The following GALNT17 variants were observed in gnomAD, a reference collection of about 807,000 sequenced individuals.
GALNT17 encodes the protein UDP-GalNAc:polypeptide N-acetylgalactosaminyltransferase-like 3.
A neutral mutation model predicts 63.7 loss-of-function variants in GALNT17; 29 were observed. The observed-to-expected ratio is 0.46, with a 90% CI of 0.34 to 0.62. The LOEUF is 0.62. Ranked by LOEUF, GALNT17 falls within the 20% of genes least tolerant of loss-of-function variation. The probability of loss-of-function intolerance (pLI) is 0.01; values close to 1 mark genes in which losing one functional copy is unlikely to be tolerated. For missense variants in GALNT17, 603 were observed against 799.6 expected (o/e 0.75, Z 2.97); for synonymous variants, 305 against 318.3 (o/e 0.96, Z 0.45).
chr7:71,622,172 G>A (rs1790303826), intron 6 of GALNT17, among the ~76,000 whole-genome samples: 1 of 152,226 alleles, frequency 6.6e-6, no homozygotes, highest in Admixed American at 6.5e-5. Context: ...CACAAAATCT[G>A]CGGGAATGGA....
At chr7:71,612,064 G>C (rs536726411) in intron 6 of GALNT17, among the ~76,000 whole-genome samples, 1 of 152,108 alleles carries the variant, frequency 6.6e-6, no homozygotes, top group Non-Finnish European at 1.5e-5. Context: ...TGTTCTTTTT[G>C]TTCTTGGAAA....
intron 6 of GALNT17, among the ~76,000 whole-genome samples, chr7:71,592,387 C>T (rs1190554870): frequency 1.3e-5 from 2 of 151,618 alleles, no homozygotes; most frequent in East Asian, 1.9e-4. Context: ...CCCAGCTATG[C>T]GGGAGGCTGA....
chr7:71,326,688 G>T (rs1791710642), intron 1 of GALNT17, among the ~76,000 whole-genome samples: 1 of 152,074 alleles, frequency 6.6e-6, no homozygotes, highest in Non-Finnish European at 1.5e-5. Flanking sequence ...ATTCTAGTTG[G>T]TTTTTGCTGA....
chr7:71,638,819 A>G (rs535719044), intron 6 of GALNT17, among the ~76,000 whole-genome samples: 6 of 152,252 alleles, frequency 3.9e-5, no homozygotes, highest in African/African-American at 1.4e-4. Flanking sequence ...GTTAAATGAA[A>G]CAAGCCAGAC....
intron 5 of GALNT17, among the ~76,000 whole-genome samples, chr7:71,535,864 A>C (rs867006255): frequency 1.3e-5 from 2 of 152,308 alleles, no homozygotes; most frequent in Middle Eastern, 3.4e-3. Flanking sequence ...GCATTACTGC[A>C]CCTGAGGCTG....
chr7:71,162,764 A>G (rs1562876368), intron 1 of GALNT17, among the ~76,000 whole-genome samples: 2 of 152,224 alleles, frequency 1.3e-5, no homozygotes, highest in Non-Finnish European at 2.9e-5. Context: ...CACAGGATGC[A>G]CAGAGGAGAG....
chr7:71,710,826 T>C lies in GALNT17; in HGVS notation c.1566T>C (p.Pro522=). The change falls in exon 10 of 11, where the codon CCT becomes CCC. Residue 522 remains proline (P), a synonymous_variant. Coordinates refer to ENST00000333538, the MANE Select transcript of GALNT17 (RefSeq NM_022479.3). ...LGALGTTTLL[P]DTRCLVDNSK... is the part of the protein sequence containing the mutation. ...CCCTGGGGACCACCACACTCCTCCC[T>C]GACACCCGCTGCCTGGTGGACAACT... 1.2e-6 allele frequency: 2 copies of C among 1,613,750 alleles called. No individual in the cohort carries two copies.
chr7:71,631,794 A>G (rs1790455990), intron 6 of GALNT17, among the ~76,000 whole-genome samples: 1 of 152,306 alleles, frequency 6.6e-6, no homozygotes, highest in East Asian at 1.9e-4. Flanking sequence ...GGTTAATTTC[A>G]TAGGTAAATT....
At chr7:71,407,505 TG>T (rs1793350261) in intron 3 of GALNT17, among the ~76,000 whole-genome samples, 1 of 152,184 alleles carries the variant, frequency 6.6e-6, no homozygotes, top group Non-Finnish European at 1.5e-5. Flanking sequence ...CCCAGCACTT[TG>T]GGAGGCTAAG....
At chr7:71,391,241 T>C (rs1793044807) in intron 3 of GALNT17, among the ~76,000 whole-genome samples, 1 of 152,068 alleles carries the variant, frequency 6.6e-6, no homozygotes, top group South Asian at 2.1e-4. Flanking sequence ...GAACTGCAGA[T>C]CGGGCTGGAT....
In GALNT17 at chr7:71,547,638, G is replaced by T. The variant is rs539519561; in HGVS notation, c.963-23647G>T. On this transcript the variant is annotated intron_variant, in intron 5 of 10. Coordinates refer to ENST00000333538, the MANE Select transcript of GALNT17 (RefSeq NM_022479.3). ...GGCCTCTGGTTTCAGCCTGCAGCAG[G>T]AGTGAAACCCGCACTGAGAGAGGAG... Among the ~76,000 whole-genome samples the T allele has an allele frequency of 3.3e-5, 5 of 152,212 alleles. No homozygotes were observed. The South Asian group carries it at 8.3e-4, about 25-fold the overall frequency.
intron 6 of GALNT17, among the ~76,000 whole-genome samples, chr7:71,582,011 G>A (rs142126753): frequency 1.1e-3 from 172 of 152,186 alleles, no homozygotes; most frequent in African/African-American, 3.8e-3. Context: ...TGGTTTGAGC[G>A]TGTGAGTTAC....
chr7:71,204,390 C>T (rs774424174), intron 1 of GALNT17, among the ~76,000 whole-genome samples: 2 of 152,062 alleles, frequency 1.3e-5, no homozygotes, highest in Non-Finnish European at 2.9e-5. Context: ...GTCTTTAGTG[C>T]TTCTATGCAA....
chr7:71,432,417 C>T (rs1047053066), intron 5 of GALNT17, among the ~76,000 whole-genome samples: 7 of 152,200 alleles, frequency 4.6e-5, no homozygotes, highest in African/African-American at 1.4e-4. Flanking sequence ...GCTACTCAAC[C>T]TCCAGCCCTT....
intron 6 of GALNT17, among the ~76,000 whole-genome samples, chr7:71,628,304 T>C (rs181870516): frequency 3.7e-4 from 56 of 152,290 alleles, no homozygotes; most frequent in African/African-American, 1.3e-3. Context: ...CTCTATTGAA[T>C]TGCTAGAAAT....
intron 6 of GALNT17, among the ~76,000 whole-genome samples, chr7:71,631,294 G>A (rs1790449856): frequency 6.6e-6 from 1 of 151,570 alleles, no homozygotes; most frequent in African/African-American, 2.4e-5. Context: ...CTGGGCTCAA[G>A]CGATCCTCCC....
At chr7:71,251,481 T>G (rs1790196476) in intron 1 of GALNT17, among the ~76,000 whole-genome samples, 1 of 152,132 alleles carries the variant, frequency 6.6e-6, no homozygotes, top group Non-Finnish European at 1.5e-5. Context: ...ACTATCATAA[T>G]TCATTGCAGC....
At position 71,458,828 on chromosome 7, in the gene GALNT17, C is replaced by T. The variant is rs547961187; in HGVS notation, c.962+37723C>T. Among the ~76,000 whole-genome samples the T allele has an allele frequency of 4.7e-3, 723 of 152,230 alleles. 5 individuals are homozygous for T. The highest frequency in any genetic ancestry group is 8.7e-3 in the Non-Finnish European group (592 of 68,020). ...TTCTCTCATTCTCTGCTGCCCTGTT[C>T]AGCGGGTCTTCTGTTCGTCTGCTCC... On this transcript the variant is annotated intron_variant, in intron 5 of 10. Coordinates refer to ENST00000333538, the MANE Select transcript of GALNT17 (RefSeq NM_022479.3).
chr7:71,552,304 C>T (rs1789093603), intron 5 of GALNT17, among the ~76,000 whole-genome samples: 1 of 152,112 alleles, frequency 6.6e-6, no homozygotes, highest in Non-Finnish European at 1.5e-5. Flanking sequence ...CTTGGCCTCC[C>T]ACAGTGCTAG....
Sources: allele counts gnomAD v4.1 joint callset (sites outside exome capture counted in the v4.1 genomes callset), GRCh38; gene constraint gnomAD v4.1.1; transcripts MANE v1.5; gene names NCBI Gene and HGNC (gene_info 2026-07-23, HGNC 2026-07-21).